Variants in APOL5 observed in about 807,000 individuals in gnomAD.
APOL5 encodes the protein apolipoprotein L5, also known as apolipoprotein L, 5.
A neutral mutation model predicts 35.5 loss-of-function variants in APOL5; 29 were observed. The observed-to-expected ratio is 0.82, with a 90% confidence interval of 0.61 to 1.11. The LOEUF (loss-of-function observed/expected upper bound fraction) is 1.11, where lower values mean the gene tolerates loss of function less well. Among genes scored for constraint, APOL5 ranks in the 50% most tolerant of loss-of-function variants. The probability of loss-of-function intolerance (pLI) is 0.00; values close to 1 mark genes in which losing one functional copy is unlikely to be tolerated. For missense variants in APOL5, 514 were observed against 530.4 expected (o/e 0.97, Z 0.30); for synonymous variants, 188 against 200.2 (o/e 0.94, Z 0.51).
At position 35,728,834 on chromosome 22, in the gene APOL5, A is replaced by G. The variant is rs761942950; in HGVS notation, c.1238A>G (p.His413Arg). ...GTCTCTGCCCCAAGGATGCTTGGCCACCAGCCAGCCCCACCAGCACCAGCA... is the reference window on the plus strand; with the variant it reads ...GTCTCTGCCCCAAGGATGCTTGGCCGCCAGCCAGCCCCACCAGCACCAGCA... ...RTVSAPRMLG[H>R]QPAPPAPARK... Residue 413 changes from histidine to arginine, a missense_variant, in exon 4 of 5, where the codon CAC (histidine) becomes CGC (arginine). Transcript: ENST00000249044. The G allele has an allele frequency of 6.2e-7, 1 of 1,612,194 alleles. No homozygotes were observed. Among genetic ancestry groups the G allele is most frequent in the Non-Finnish European group, 8.5e-7 (1 of 1,179,374 alleles).
At chr22:35,722,125 A>G (rs1361654032) in intron 2 of APOL5, among the ~76,000 whole-genome samples, 1 of 152,224 alleles carries the variant, frequency 6.6e-6, no homozygotes, top group Non-Finnish European at 1.5e-5. Flanking sequence ...TTTCAGGCAC[A>G]GGCACAGCCA....
Position 35,728,765 on chromosome 22 carries a change from C to A in APOL5, c.1169C>A (p.Pro390His). 1.2e-6 allele frequency: 2 copies of A among 1,613,680 alleles called. No individual in the cohort carries two copies. Among genetic ancestry groups the A allele is most frequent in the Non-Finnish European group, 1.7e-6 (2 of 1,179,856 alleles). The change falls in exon 4 of 5, where the codon CCT (proline) becomes CAT (histidine). Residue 390 changes from proline (P) to histidine (H), a missense_variant. This residue lies in a region of APOL5 where 238 missense variants were observed against 229.1 expected (regional missense o/e 1.04). Transcript: ENST00000249044. ...PLPWPVVEHQ[P>H]RLGPGVALRT... Reference sequence around the variant, plus strand: ...CCCTGGCCTGTTGTGGAGCACCAGCCTAGGCTGGGCCCTGGCGTGGCACTG... The same window carrying A: ...CCCTGGCCTGTTGTGGAGCACCAGCATAGGCTGGGCCCTGGCGTGGCACTG...
chr22:35,717,061 T>C (rs1754110516), upstream of APOL5, among the ~76,000 whole-genome samples: 1 of 150,882 alleles, frequency 6.6e-6, no homozygotes, highest in African/African-American at 2.4e-5. Context: ...GGATGCTGAG[T>C]GTCAGGCACA....
the APOL5 span, among the ~76,000 whole-genome samples, chr22:35,709,222 C>G: frequency 6.6e-6 from 1 of 152,050 alleles, no homozygotes; most frequent in East Asian, 1.9e-4. Flanking sequence ...AAAGCTAATG[C>G]GATATAATCT....
rs142465276 is a variant in APOL5 at position 35,726,714 on chromosome 22, G to A, written c.646G>A (p.Gly216Arg). The A allele has an allele frequency of 2.1e-5, 34 of 1,614,068 alleles. No individual in the cohort carries two copies. The highest frequency in any genetic ancestry group is 2.5e-5 in the Non-Finnish European group (30 of 1,180,050). The change falls in exon 3 of 5, where the codon GGA (glycine) becomes AGA (arginine). Residue 216 changes from glycine (G) to arginine (R), a missense_variant. Gly to Arg is a moderately radical substitution (Grantham distance 125). Transcript: ENST00000249044. ...TCTGACAACATCACATGAGGCTTTCGGAGGAATAAATTGGTCTGAAATCGA... is the reference window on the plus strand; with the variant it reads ...TCTGACAACATCACATGAGGCTTTCAGAGGAATAAATTGGTCTGAAATCGA... ...GPLTTSHEAF[G>R]GINWSEIEAA...
the APOL5 span, among the ~76,000 whole-genome samples, chr22:35,709,243 C>A: frequency 6.6e-6 from 1 of 152,172 alleles, no homozygotes. Context: ...TTGTCAGTAT[C>A]TAGATATATT....
At chr22:35,727,897 C>G (rs1171630811) in intron 3 of APOL5, among the ~76,000 whole-genome samples, 1 of 152,152 alleles carries the variant, frequency 6.6e-6, no homozygotes, top group African/African-American at 2.4e-5. Flanking sequence ...AAAACTGCTA[C>G]CAAAAAATAA....
chr22:35,724,501 A>T (rs1927083645), intron 2 of APOL5, among the ~76,000 whole-genome samples: 1 of 152,148 alleles, frequency 6.6e-6, no homozygotes, highest in Admixed American at 6.5e-5. Flanking sequence ...AAATGTATGC[A>T]TGTATGTATA....
chr22:35,714,412 T>A (rs992387953), upstream of APOL5, among the ~76,000 whole-genome samples: 1 of 152,202 alleles, frequency 6.6e-6, no homozygotes, highest in African/African-American at 2.4e-5. Flanking sequence ...TATCTGGTTG[T>A]GTGGTTGAGA....
In APOL5 at chr22:35,727,053, C is replaced by G. The variant is rs1209706119; in HGVS notation, c.985C>G (p.Leu329Val). 3.7e-6 allele frequency: 6 copies of G among 1,613,906 alleles called. 1 individual carries two copies. In the South Asian group the frequency reaches 6.6e-5, roughly 18 times the overall value. The part of the protein sequence containing the change: ...DGARTETAEE[L>V]RALAKKLEQE... Reference sequence around the variant, plus strand: ...GGCAAGGACGGAGACAGCAGAGGAACTGAGAGCACTTGCTAAGAAGCTGGA... The same window carrying G: ...GGCAAGGACGGAGACAGCAGAGGAAGTGAGAGCACTTGCTAAGAAGCTGGA... Residue 329 changes from leucine to valine, a missense_variant, in exon 3 of 5, where the codon CTG becomes GTG. Physicochemically the swap from Leu to Val is conservative, Grantham distance 32. Transcript: ENST00000249044.
At chr22:35,713,861 G>A (rs979670570), upstream of APOL5, among the ~76,000 whole-genome samples, 5 of 152,176 alleles carry the variant, frequency 3.3e-5, no homozygotes, top group Non-Finnish European at 7.3e-5. Flanking sequence ...GGGTCCGAAA[G>A]TGAAGGTGAG....
intron 3 of APOL5, 43 bp downstream of exon 3, chr22:35,727,237 A>C (rs1355729833): frequency 6.4e-7 from 1 of 1,558,308 alleles, no homozygotes; most frequent in Non-Finnish European, 8.6e-7. Context: ...TTGCTCTTCT[A>C]AAAGCTTACC....
rs1927260548 is a variant in APOL5, at chr22:35,728,640, T to A, written c.1127-83T>A. 9 of 1,490,004 alleles carry A rather than the reference T, an allele frequency of 6.0e-6. No individual in the cohort carries two copies. The South Asian group carries it at 1.2e-4, about 19-fold the overall frequency. 92.3% of individuals were successfully genotyped at this position (1,490,004 alleles called of 1,614,324 possible). On this transcript the variant is annotated intron_variant, in intron 3 of 4. Transcript: ENST00000249044. ...TCAAAGCCAATAGAAATTTGCTCTCTGGGGACATATTTGAGCTTCTGAACG... is the reference window on the plus strand; with the variant it reads ...TCAAAGCCAATAGAAATTTGCTCTCAGGGGACATATTTGAGCTTCTGAACG...
chr22:35,711,718 C>T, the APOL5 span, among the ~76,000 whole-genome samples: 9 of 146,980 alleles, frequency 6.1e-5, no homozygotes, highest in Admixed American at 6.2e-4. Flanking sequence ...TCTTGTCGCC[C>T]AGGCTGGAGT....
Position 35,728,932 on chromosome 22 carries a change from C to A in APOL5, c.*6+28C>A, listed in dbSNP as rs1927273959. 6 of 1,551,684 alleles carry A rather than the reference C, an allele frequency of 3.9e-6. No homozygotes were observed. The South Asian group carries it at 7.3e-5, about 19-fold the overall frequency. On this transcript the variant is annotated intron_variant, in intron 4 of 4. Coordinates refer to ENST00000249044, the MANE Select transcript of APOL5 (RefSeq NM_030642.1). The stretch of plus-strand genomic sequence containing the variant: ...AAGTGGGACGCAAGGAAGCCAGGAG[C>A]TGTGGGAACCCCTGACAGTGAAGTA...
At chr22:35,713,678 G>C (rs1054070032), upstream of APOL5, among the ~76,000 whole-genome samples, 4 of 152,188 alleles carry the variant, frequency 2.6e-5, no homozygotes, top group South Asian at 2.1e-4. Flanking sequence ...TCTGCAGAGA[G>C]AGAAGTGCCA....
At position 35,726,743 on chromosome 22, in the gene APOL5, T is replaced by A. The variant is rs1392255163; in HGVS notation, c.675T>A (p.Ala225=). 3.7e-6 allele frequency: 6 copies of A among 1,614,266 alleles called. No homozygotes were observed. The highest frequency in any genetic ancestry group is 3.4e-6 in the Non-Finnish European group (4 of 1,180,040). The change falls in exon 3 of 5, where the codon GCT becomes GCA. Residue 225 remains alanine (A), a synonymous_variant. Transcript: ENST00000249044. ...FGGINWSEIE[A]AGFCVNKCVK... ...GAATAAATTGGTCTGAAATCGAGGC[T>A]GCTGGCTTTTGTGTTAATAAGTGTG...
chr22:35,729,219 C>T (rs1406152191), intron 4 of APOL5, 135 bp from the exon 5 acceptor site: 2 of 254,792 alleles, frequency 7.8e-6, no homozygotes, highest in Non-Finnish European at 1.5e-5. Flanking sequence ...CAGAAAAGTA[C>T]TAGGTGTGCA....
At chr22:35,716,170 A>G (rs1410293141), upstream of APOL5, among the ~76,000 whole-genome samples, 1 of 152,240 alleles carries the variant, frequency 6.6e-6, no homozygotes, top group East Asian at 1.9e-4. Flanking sequence ...CTTACCATGT[A>G]CTTGGCAGCA....
Sources: gnomAD v4.1 joint callset for allele counts (sites outside exome capture counted in the v4.1 genomes callset) on GRCh38, gnomAD v4.1.1 for gene constraint, gnomAD v4.1.1 regional missense constraint, MANE v1.5 for transcripts, NCBI Gene and HGNC (gene_info 2026-07-23, HGNC 2026-07-21) for gene names.